The following CEP112 variants were observed in gnomAD, a reference collection of about 807,000 sequenced individuals.
The protein encoded by CEP112 is centrosomal protein of 112 kDa.
In CEP112, 127 loss-of-function variants were observed where a neutral mutation model predicts 153.0. The observed-to-expected ratio is 0.83, with a 90% CI of 0.72 to 0.96. The LOEUF is 0.96. Among genes scored for constraint, CEP112 ranks in the 40% least tolerant of loss-of-function variants. CEP112 has a pLI of 0.00. For missense variants in CEP112, 1,089 were observed against 1,101.2 expected, an observed-to-expected ratio of 0.99 and a Z score of 0.16; for synonymous variants, 358 against 374.4, an observed-to-expected ratio of 0.96 and a Z score of 0.51.
intron 20 of CEP112, among the ~76,000 whole-genome samples, chr17:65,860,268 AT>A (rs1461879177): frequency 6.6e-6 from 1 of 152,186 alleles, no homozygotes; most frequent in East Asian, 1.9e-4. Context: ...AAGGAAAAAA[AT>A]ATAAGGCTTT....
At chr17:65,833,496 T>G (rs1291536077) in intron 21 of CEP112, among the ~76,000 whole-genome samples, 1 of 152,088 alleles carries the variant, frequency 6.6e-6, no homozygotes. Context: ...ATAAAAAACT[T>G]CAGCAAAATT....
chr17:65,658,623 G>A (rs146242316), intron 24 of CEP112, among the ~76,000 whole-genome samples: 1 of 152,206 alleles, frequency 6.6e-6, no homozygotes, highest in East Asian at 1.9e-4. Context: ...GGAAATATGC[G>A]AGTAGAGCTC....
At chr17:66,125,917 C>T (rs2069827676) in intron 6 of CEP112, among the ~76,000 whole-genome samples, 1 of 152,038 alleles carries the variant, frequency 6.6e-6, no homozygotes, top group Non-Finnish European at 1.5e-5. Flanking sequence ...CTATGTATGG[C>T]CATTTTTCTT....
At chr17:65,762,080 G>C (rs980965876) in intron 21 of CEP112, among the ~76,000 whole-genome samples, 1 of 151,754 alleles carries the variant, frequency 6.6e-6, no homozygotes, top group Non-Finnish European at 1.5e-5. Flanking sequence ...GTTCGTTTTT[G>C]GTTTTTTTGC....
chr17:65,641,175 C>T (rs987749168), intron 24 of CEP112, 110 bp from the exon 25 acceptor site: 28 of 622,922 alleles, frequency 4.5e-5, no homozygotes, highest in Admixed American at 1.1e-4. Flanking sequence ...TTGTTACACG[C>T]GGTCAGAAAC....
intron 24 of CEP112, among the ~76,000 whole-genome samples, chr17:65,667,488 A>AAT (rs2046752854): frequency 1.3e-5 from 2 of 152,102 alleles, no homozygotes; most frequent in African/African-American, 4.8e-5. Context: ...AAAGCAAAAA[A>AAT]ATATATATTA....
intron 6 of CEP112, among the ~76,000 whole-genome samples, chr17:66,100,652 C>A (rs2068533122): frequency 6.6e-6 from 1 of 151,848 alleles, no homozygotes; most frequent in African/African-American, 2.4e-5. Context: ...AGAAAATATT[C>A]TTAAATAAAA....
chr17:66,171,953 T>C (rs953390673), intron 4 of CEP112, among the ~76,000 whole-genome samples: 1 of 152,160 alleles, frequency 6.6e-6, no homozygotes, highest in Non-Finnish European at 1.5e-5. Flanking sequence ...AAACTACATC[T>C]AAGCTTCCCT....
chr17:66,051,041 A>C (rs1043093368), intron 12 of CEP112, among the ~76,000 whole-genome samples: 4 of 151,976 alleles, frequency 2.6e-5, no homozygotes, highest in African/African-American at 9.7e-5. Context: ...ATCCAGTAGC[A>C]CAATCACACC....
chr17:66,184,177 A>C (rs896156420), intron 1 of CEP112, among the ~76,000 whole-genome samples: 5 of 152,122 alleles, frequency 3.3e-5, no homozygotes, highest in African/African-American at 1.2e-4. Context: ...GAATTGTTTG[A>C]AAGTGTGAGA....
intron 23 of CEP112, 62 bp from the exon 24 acceptor site, chr17:65,689,280 A>G: frequency 8.2e-7 from 1 of 1,214,270 alleles, no homozygotes; most frequent in Middle Eastern, 2.5e-4. Flanking sequence ...ATAGTTCTAC[A>G]CCATGAACTG....
intron 17 of CEP112, among the ~76,000 whole-genome samples, chr17:65,985,564 A>G (rs1476124414): frequency 1.3e-5 from 2 of 152,168 alleles, no homozygotes; most frequent in African/African-American, 4.8e-5. Flanking sequence ...AAGGGATAAA[A>G]GCTTCAGAAG....
intron 23 of CEP112, among the ~76,000 whole-genome samples, chr17:65,710,332 G>A (rs926622854): frequency 2.6e-5 from 4 of 152,028 alleles, no homozygotes; most frequent in African/African-American, 7.2e-5. Flanking sequence ...CAGGCATTTT[G>A]TTTATGAATT....
chr17:65,728,588 A>G (rs1339164869), intron 23 of CEP112, among the ~76,000 whole-genome samples: 2 of 152,232 alleles, frequency 1.3e-5, no homozygotes, highest in Non-Finnish European at 2.9e-5. Flanking sequence ...GTATTCAAGT[A>G]CATTTCCTGC....
intron 19 of CEP112, among the ~76,000 whole-genome samples, chr17:65,926,151 C>T (rs7222432): frequency 6.6e-6 from 1 of 152,158 alleles, no homozygotes; most frequent in Non-Finnish European, 1.5e-5. Flanking sequence ...ACAGCAGGAA[C>T]CTTTCTCCCC....
intron 12 of CEP112, among the ~76,000 whole-genome samples, chr17:66,038,216 C>T (rs2065824293): frequency 6.6e-6 from 1 of 152,118 alleles, no homozygotes. Context: ...TGCTTTCTCA[C>T]ATGCAGATAA....
chr17:65,937,583 C>T lies in CEP112; in HGVS notation c.1873-9894G>A, dbSNP rs1327625472. Among the ~76,000 whole-genome samples the T allele has an allele frequency of 4.9e-3, 423 of 86,726 alleles. 4 individuals are homozygous for T. The highest frequency in any genetic ancestry group is 9.7e-3 in the African/African-American group (244 of 25,282). The allele number at this position is 86,726 out of a possible 152,430, so 56.9% of individuals were successfully genotyped here. ...GAGGGAGGTGGGGGGGGTCAGCCCC[C>T]CACCCGGCCAGCCGCCCCGTCCGGG... On this transcript the variant is annotated intron_variant, in intron 18 of 26. Coordinates refer to ENST00000535342, the MANE Select transcript of CEP112 (RefSeq NM_001199165.4).
intron 24 of CEP112, among the ~76,000 whole-genome samples, chr17:65,673,750 G>C (rs1384819856): frequency 6.6e-6 from 1 of 152,156 alleles, no homozygotes; most frequent in Admixed American, 6.5e-5. Context: ...GAAAAAGATA[G>C]AAGGTAATCT....
intron 18 of CEP112, among the ~76,000 whole-genome samples, chr17:65,933,876 G>T (rs2144305238): frequency 6.6e-6 from 1 of 152,228 alleles, no homozygotes; most frequent in Non-Finnish European, 1.5e-5. Context: ...ACTTTTAAAA[G>T]CAACTATAAC....
Sources: allele counts gnomAD v4.1 joint callset (sites outside exome capture counted in the v4.1 genomes callset), GRCh38; gene constraint gnomAD v4.1.1; transcripts MANE v1.5; gene names NCBI Gene and HGNC (gene_info 2026-07-23, HGNC 2026-07-21).